PLA2G4E: variants seen among roughly 807,000 people sequenced by gnomAD.
The protein encoded by PLA2G4E is phospholipase A2 group IVE.
In PLA2G4E, 84 loss-of-function variants were observed where a neutral mutation model predicts 109.1. The ratio of observed to expected loss-of-function variants is 0.77; its 90% CI spans 0.65 to 0.92. The LOEUF is 0.92. PLA2G4E is among the 40% of genes least tolerant of loss of function. PLA2G4E has a pLI of 0.00. For missense variants in PLA2G4E, 1,057 were observed against 1,076.6 expected (o/e 0.98, Z 0.25); for synonymous variants, 469 against 436.1 (o/e 1.08, Z -0.94).
In PLA2G4E at chr15:41,999,645, C is replaced by G. The variant is rs1002783289; in HGVS notation, c.937-84G>C. The G allele has an allele frequency of 5.3e-6, 8 of 1,514,790 alleles. No homozygotes were observed. The African/African-American group carries it at 8.2e-5, about 16-fold the overall frequency. 93.8% of individuals were successfully genotyped at this position (1,514,790 alleles called of 1,614,324 possible). A position where few individuals can be genotyped will look rare whatever the true frequency, so the allele number is the denominator to read the frequency against. Reference sequence around the variant, plus strand: ...AGATCCACACTGTCCACCCAGACCCCACTCAGCACACACGTGCACACACAG... The same window carrying G: ...AGATCCACACTGTCCACCCAGACCCGACTCAGCACACACGTGCACACACAG... On this transcript the variant is annotated intron_variant, in intron 9 of 19. Coordinates refer to ENST00000399518, the Ensembl canonical transcript of PLA2G4E.
intron 1 of PLA2G4E, among the ~76,000 whole-genome samples, chr15:42,041,176 G>A (rs1889308787): frequency 6.6e-6 from 1 of 152,144 alleles, no homozygotes; most frequent in African/African-American, 2.4e-5. Context: ...GTATTTCTAG[G>A]AATTTATTTT....
chr15:42,017,059 A>C (rs1273582458), intron 1 of PLA2G4E, among the ~76,000 whole-genome samples: 2 of 152,148 alleles, frequency 1.3e-5, no homozygotes, highest in Admixed American at 1.3e-4. Flanking sequence ...ACCTGTACCC[A>C]CCGGCCCACT....
chr15:41,988,155 G>T (rs2068179905), exon 16 of PLA2G4E: 5 of 1,590,286 alleles, frequency 3.1e-6, no homozygotes, highest in Non-Finnish European at 4.3e-6. Context: ...TGCTCCACAG[G>T]CCTGGGAGCC....
At chr15:42,004,333 A>G (rs2068451553) in intron 5 of PLA2G4E, among the ~76,000 whole-genome samples, 1 of 150,668 alleles carries the variant, frequency 6.6e-6, no homozygotes, top group Non-Finnish European at 1.5e-5. Flanking sequence ...AAGAAAGGAA[A>G]GAAAGGGAAA....
At chr15:41,989,882 T>C (rs1014726746) in intron 14 of PLA2G4E, among the ~76,000 whole-genome samples, 1 of 152,220 alleles carries the variant, frequency 6.6e-6, no homozygotes, top group African/African-American at 2.4e-5. Flanking sequence ...ACAACCTTTG[T>C]CTTCCCCAGT....
exon 3 of PLA2G4E, chr15:42,007,830 G>C: frequency 6.2e-7 from 1 of 1,608,120 alleles, no homozygotes. Context: ...GAGGCGGTGG[G>C]CAGCCAGAGG....
rs1004478466 is a variant in PLA2G4E at position 42,016,025 on chromosome 15, C to T, written c.184-2268G>A. On this transcript the variant is annotated intron_variant, in intron 1 of 19. Transcript: ENST00000399518. ...GAGCTCACGGTAAATGCCTACCAAC[C>T]GAATGTCTGTATTTATAGAAGCGTC... Among the ~76,000 whole-genome samples, 6 of 152,040 alleles carry T rather than the reference C, an allele frequency of 3.9e-5. No individual in the cohort carries two copies. The South Asian group carries it at 8.3e-4, about 21-fold the overall frequency.
At chr15:42,011,520 G>A (rs573584607) in intron 2 of PLA2G4E, among the ~76,000 whole-genome samples, 5 of 152,156 alleles carry the variant, frequency 3.3e-5, no homozygotes, top group South Asian at 4.1e-4. Flanking sequence ...CCAGAAGTTC[G>A]AAACCAGCTT....
intron 1 of PLA2G4E, among the ~76,000 whole-genome samples, chr15:42,015,473 G>C (rs576209050): frequency 6.6e-6 from 1 of 152,328 alleles, no homozygotes; most frequent in East Asian, 1.9e-4. Flanking sequence ...GGGTCTGTGT[G>C]CTCGCTGGTA....
At chr15:42,034,305 A>G (rs528929965) in intron 1 of PLA2G4E, among the ~76,000 whole-genome samples, 2 of 152,318 alleles carry the variant, frequency 1.3e-5, no homozygotes, top group African/African-American at 4.8e-5. Context: ...CTTTGTAATT[A>G]TTTGAGGCAA....
intron 1 of PLA2G4E, among the ~76,000 whole-genome samples, chr15:42,014,977 C>T (rs1020339687): frequency 3.9e-5 from 6 of 152,126 alleles, no homozygotes; most frequent in African/African-American, 1.2e-4. Context: ...CACTCCCAGC[C>T]CTGCTCACGC....
Position 42,021,137 on chromosome 15 carries a change from G to C in PLA2G4E, c.184-7380C>G, listed in dbSNP as rs568326925. Among the ~76,000 whole-genome samples the C allele has an allele frequency of 4.6e-5, 7 of 152,038 alleles. No homozygotes were observed. In the South Asian group the frequency reaches 1.5e-3, roughly 32 times the overall value. On this transcript the variant is annotated intron_variant, in intron 1 of 19. Transcript: ENST00000399518. The stretch of plus-strand genomic sequence containing the variant: ...AGTAGCTGGGATTGCTCTGGGAGTG[G>C]TTTGAGTGGGTAGACAGATAGGGTG...
chr15:42,021,146 G>A (rs2068645067), intron 1 of PLA2G4E, among the ~76,000 whole-genome samples, 104 bp from the exon 1 acceptor site: 1 of 151,790 alleles, frequency 6.6e-6, no homozygotes, highest in South Asian at 2.1e-4. Flanking sequence ...GGTTTGAGTG[G>A]GTAGACAGAT....
chr15:42,000,593 G>T (rs74010960), intron 7 of PLA2G4E, among the ~76,000 whole-genome samples: 1 of 152,226 alleles, frequency 6.6e-6, no homozygotes, highest in Admixed American at 6.5e-5. Flanking sequence ...GCCCACTGTA[G>T]AGGAGGCAGA....
At chr15:42,015,721 G>A (rs73397815) in intron 1 of PLA2G4E, among the ~76,000 whole-genome samples, 13,414 of 152,234 alleles carry the variant, frequency 0.088, 1,189 homozygotes, top group African/African-American at 0.22. Context: ...CCAGGCTTGG[G>A]GCCTCTGGCT....
chr15:41,990,162 G>T (rs767970691), exon 14 of PLA2G4E: 63 of 1,613,566 alleles, frequency 3.9e-5, no homozygotes, highest in Non-Finnish European at 5.1e-5. Flanking sequence ...GACATTGATG[G>T]TGAGGTAGAT....
chr15:42,011,541 G>A (rs1445215715), intron 2 of PLA2G4E, among the ~76,000 whole-genome samples: 1 of 151,636 alleles, frequency 6.6e-6, no homozygotes, highest in Non-Finnish European at 1.5e-5. Context: ...GGGCAACATG[G>A]TGAAACCCTG....
At chr15:42,033,897 A>G (rs1889160443) in intron 1 of PLA2G4E, among the ~76,000 whole-genome samples, 1 of 152,046 alleles carries the variant, frequency 6.6e-6, no homozygotes, top group African/African-American at 2.4e-5. Context: ...TGCAAATGAC[A>G]CTTCACCTCT....
intron 5 of PLA2G4E, among the ~76,000 whole-genome samples, chr15:42,003,095 A>G (rs2068438312): frequency 6.6e-6 from 1 of 152,248 alleles, no homozygotes; most frequent in Non-Finnish European, 1.5e-5. Flanking sequence ...TCTGTGCTTT[A>G]TCTAACTTAT....
Sources: allele counts gnomAD v4.1 joint callset (sites outside exome capture counted in the v4.1 genomes callset), GRCh38; gene constraint gnomAD v4.1.1; transcripts MANE v1.5; gene names NCBI Gene and HGNC (gene_info 2026-07-23, HGNC 2026-07-21).